Variants in RAB3GAP2 observed in about 807,000 individuals in gnomAD.
The protein encoded by RAB3GAP2 is RAB3 GTPase activating non-catalytic protein subunit 2.
Under a neutral mutation model 185.3 loss-of-function variants are expected in RAB3GAP2, and 87 were observed. That is an observed-to-expected ratio of 0.47 (90% CI 0.39 to 0.56). The LOEUF is 0.56. Ranked by LOEUF, RAB3GAP2 falls within the 20% of genes least tolerant of loss-of-function variation. The pLI, the probability that RAB3GAP2 is intolerant of heterozygous loss-of-function variation, is 0.00. For synonymous variants in RAB3GAP2, 554 were observed against 576.1 expected (o/e 0.96, Z 0.55); for missense variants, 1,492 against 1,638.2 (o/e 0.91, Z 1.54).
chr1:220,169,161 A>G (rs1331018242), intron 24 of RAB3GAP2, among the ~76,000 whole-genome samples: 4 of 152,232 alleles, frequency 2.6e-5, no homozygotes, highest in Admixed American at 6.5e-5. Context: ...ACAATAAGAA[A>G]AAGTTCACAA....
chr1:220,192,564 T>C (rs914459266), intron 13 of RAB3GAP2, among the ~76,000 whole-genome samples: 6 of 152,224 alleles, frequency 3.9e-5, no homozygotes, highest in African/African-American at 1.4e-4. Flanking sequence ...CACTAAGTCC[T>C]GGCTAATGTA....
Position 220,246,949 on chromosome 1 carries a change from C to T in RAB3GAP2, c.116-14086G>A, listed in dbSNP as rs568262403. ...GAAGAAAAAAAAAGTGGGCAAAGCA[C>T]ATGAACAGATATTTCTCTAAAGAAG... On this transcript the variant is annotated intron_variant, in intron 1 of 34. Transcript: ENST00000358951. Among the ~76,000 whole-genome samples, 5 of 152,010 alleles carry T rather than the reference C, an allele frequency of 3.3e-5. No homozygotes were observed. The South Asian group carries it at 1.0e-3, about 32-fold the overall frequency.
chr1:220,207,809 T>G (rs563074054), intron 7 of RAB3GAP2: 6 of 152,240 alleles, frequency 3.9e-5, no homozygotes, highest in Non-Finnish European at 7.3e-5. Flanking sequence ...AAGATCTTTT[T>G]ACAGAAGCTA....
intron 1 of RAB3GAP2, 124 bp from the exon 2 acceptor site, chr1:220,232,987 G>A: frequency 1.3e-6 from 1 of 760,948 alleles, no homozygotes; most frequent in Non-Finnish European, 2.3e-6. Flanking sequence ...AGAAAATAAG[G>A]GTAAACTGTG....
chr1:220,190,251 T>G, intron 15 of RAB3GAP2, 105 bp from the exon 16 acceptor site: 1 of 1,511,570 alleles, frequency 6.6e-7, no homozygotes, highest in Non-Finnish European at 9.1e-7. Flanking sequence ...CTATTTAACT[T>G]TAAAGATATC....
At chr1:220,183,993 CAA>C (rs754089588) in intron 19 of RAB3GAP2, 41 bp downstream of exon 19, 128 of 1,381,892 alleles carry the variant, frequency 9.3e-5, no homozygotes, top group Non-Finnish European at 1.1e-4. Context: ...TAAAACTAAT[CAA>C]AGAGATTATT....
intron 18 of RAB3GAP2, among the ~76,000 whole-genome samples, chr1:220,185,065 C>T (rs1234216586): frequency 6.6e-6 from 1 of 152,100 alleles, no homozygotes; most frequent in Non-Finnish European, 1.5e-5. Flanking sequence ...AACTAGATGA[C>T]ATCAGTCCAC....
At chr1:220,247,731 G>T (rs889206103) in intron 1 of RAB3GAP2, among the ~76,000 whole-genome samples, 5 of 152,038 alleles carry the variant, frequency 3.3e-5, no homozygotes, top group African/African-American at 1.2e-4. Context: ...AAATTCACCT[G>T]TACCCCCAAA....
At chr1:220,254,614 C>T in intron 1 of RAB3GAP2, 1 of 1,176,264 alleles carries the variant, frequency 8.5e-7, no homozygotes, top group African/African-American at 1.6e-5. Flanking sequence ...CTTGTACAAA[C>T]AATGTGCTTT....
rs2808026 is a variant in RAB3GAP2 at position 220,159,534 on chromosome 1, G to A, written c.3226-113C>T. ...TTAAAAACCGTAAATGGCGCTATAA[G>A]TAAATGTGACAGCCTCATTAATTAG... On this transcript the variant is annotated intron_variant, in intron 28 of 34. Transcript: ENST00000358951. 0.42 allele frequency: 324,861 copies of A among 769,090 alleles called. 73,801 individuals carry two copies. The highest frequency in any genetic ancestry group is 0.68 in the East Asian group (24,992 of 36,522). The allele number at this position is 769,090 out of a possible 1,614,324, so 47.6% of individuals were successfully genotyped here.
intron 26 of RAB3GAP2, among the ~76,000 whole-genome samples, chr1:220,166,219 C>T (rs2102856452): frequency 6.6e-6 from 1 of 152,236 alleles, no homozygotes. Context: ...CACTTACTTT[C>T]ATAATGTCTT....
At chr1:220,153,595 T>C in intron 32 of RAB3GAP2, 189 bp from the exon 33 acceptor site, 1 of 396,616 alleles carries the variant, frequency 2.5e-6, no homozygotes. Flanking sequence ...CTTTTTTAAA[T>C]ATTATTATTA....
At chr1:220,231,541 CT>C (rs1659500662) in intron 2 of RAB3GAP2, among the ~76,000 whole-genome samples, 1 of 152,010 alleles carries the variant, frequency 6.6e-6, no homozygotes, top group Non-Finnish European at 1.5e-5. Flanking sequence ...AAAAAAAATC[CT>C]GATTTTGTTC....
chr1:220,195,144 T>C lies in RAB3GAP2; in HGVS notation c.1064A>G (p.Lys355Arg). Reference protein sequence around the residue: ...AASGWLGWKSKHEEEAVQKQK... With the variant: ...AASGWLGWKSRHEEEAVQKQK... The stretch of plus-strand genomic sequence containing the variant: ...CTTTTGGACAGCTTCTTCTTCGTGC[T>C]TACTTTTCCAACCAAGCCAACCACT... The change falls in exon 12 of 35, where the codon AAG becomes AGG. Residue 355 changes from lysine (K) to arginine (R), a missense_variant. Transcript: ENST00000358951. 4 of 1,614,162 alleles carry C rather than the reference T, an allele frequency of 2.5e-6. No homozygotes were observed. The highest frequency in any genetic ancestry group is 3.4e-6 in the Non-Finnish European group (4 of 1,180,010).
chr1:220,212,131 G>A (rs1275351720), intron 4 of RAB3GAP2, among the ~76,000 whole-genome samples: 1 of 152,102 alleles, frequency 6.6e-6, no homozygotes, highest in African/African-American at 2.4e-5. Flanking sequence ...AGCTTTACTG[G>A]GTCAGCAGGA....
intron 28 of RAB3GAP2, among the ~76,000 whole-genome samples, chr1:220,161,762 C>T (rs1393692992): frequency 6.6e-6 from 1 of 152,060 alleles, no homozygotes; most frequent in Non-Finnish European, 1.5e-5. Flanking sequence ...ACTCAGATTA[C>T]ACAACAACTT....
intron 27 of RAB3GAP2, among the ~76,000 whole-genome samples, chr1:220,162,930 C>A (rs1472327746): frequency 6.6e-6 from 1 of 151,676 alleles, no homozygotes; most frequent in East Asian, 1.9e-4. Context: ...ATATAAAAAA[C>A]AAACAAACAA....
At chr1:220,183,299 A>G (rs1658447310) in intron 19 of RAB3GAP2, among the ~76,000 whole-genome samples, 1 of 150,930 alleles carries the variant, frequency 6.6e-6, no homozygotes, top group Admixed American at 6.6e-5. Flanking sequence ...CCCAGGCTAG[A>G]GTGCCTTGGC....
chr1:220,213,959 G>T lies in RAB3GAP2; in HGVS notation c.201C>A (p.Cys67Ter). ...GGAGCCAGGAAGTTTTTTGTGTTTT[G>T]CAAGTATTTCCTTCTTCTTCCTGTG... ...PQEPEEEGNT[C>*]KTQKTSWLQD... The change falls in exon 3 of 35, where the codon TGC (cysteine) becomes TGA (stop). Residue 67 changes from cysteine to a stop codon, truncating the protein, a stop_gained. Transcript: ENST00000358951. LOFTEE classifies it high-confidence loss of function. 6.2e-7 allele frequency: 1 copy of T among 1,613,160 alleles called. No individual in the cohort carries two copies.
Sources: allele counts gnomAD v4.1 joint callset (sites outside exome capture counted in the v4.1 genomes callset), GRCh38; gene constraint gnomAD v4.1.1; transcripts MANE v1.5; gene names NCBI Gene and HGNC (gene_info 2026-07-23, HGNC 2026-07-21).